The following ACSS2 variants were observed in gnomAD, a reference collection of about 807,000 sequenced individuals.
ACSS2 encodes acetyl-coenzyme A synthetase, cytoplasmic.
Under a neutral mutation model 90.6 loss-of-function variants are expected in ACSS2, and 58 were observed. The ratio of observed to expected loss-of-function variants is 0.64; its 90% CI spans 0.52 to 0.80. ACSS2 has a LOEUF of 0.80. Ranked by LOEUF, ACSS2 falls within the 30% of genes least tolerant of loss-of-function variation. The probability of loss-of-function intolerance (pLI) is 0.00; values close to 1 mark genes in which losing one functional copy is unlikely to be tolerated. For missense variants in ACSS2, 759 were observed against 912.0 expected, an observed-to-expected ratio of 0.83 and a Z score of 2.16; for synonymous variants, 300 against 330.9, an observed-to-expected ratio of 0.91 and a Z score of 1.01.
At chr20:34,915,210 C>T (rs373897374) in intron 7 of ACSS2, 1 of 1,613,934 alleles carries the variant, frequency 6.2e-7, no homozygotes, top group Non-Finnish European at 8.5e-7. Context: ...ATCCTGGGCT[C>T]TTAACAGGGT....
chr20:34,913,824 A>C lies in ACSS2; in HGVS notation c.642A>C (p.Thr214=). 1 of 1,613,802 alleles carries C rather than the reference A, an allele frequency of 6.2e-7. No homozygotes were observed. The highest frequency in any genetic ancestry group is 8.5e-7 in the Non-Finnish European group (1 of 1,179,772). Reference sequence around the variant, plus strand: ...CCAGCTGCAGTCTTCTCATCACTACAGGTGACTAATTCTCTCACCTCTTCT... The same window carrying C: ...CCAGCTGCAGTCTTCTCATCACTACCGGTGACTAATTCTCTCACCTCTTCT... The part of the protein sequence containing the change: ...LDSSCSLLIT[T]DAFYRGEKLV... The change falls in exon 5 of 18, where the codon ACA becomes ACC. Residue 214 remains threonine, a splice_region_variant and synonymous_variant. Coordinates refer to ENST00000360596, the MANE Select transcript of ACSS2 (RefSeq NM_018677.4).
intron 2 of ACSS2, among the ~76,000 whole-genome samples, chr20:34,892,191 C>T (rs575175466): frequency 6.6e-6 from 1 of 152,258 alleles, no homozygotes; most frequent in South Asian, 2.1e-4. Context: ...GAGGAACTGG[C>T]CTCCTCTCCT....
chr20:34,921,281 T>C, intron 10 of ACSS2, 49 bp from the exon 11 acceptor site: 2 of 1,611,242 alleles, frequency 1.2e-6, no homozygotes, highest in South Asian at 2.2e-5. Flanking sequence ...GGTATGTGTG[T>C]CTTCCAGTAG....
chr20:34,920,400 G>A, intron 8 of ACSS2, 139 bp from the exon 9 acceptor site: 4 of 729,458 alleles, frequency 5.5e-6, no homozygotes, highest in Non-Finnish European at 6.7e-6. Flanking sequence ...GGAGATGGAA[G>A]GGAGATGGAT....
intron 14 of ACSS2, 94 bp downstream of exon 14, chr20:34,923,525 A>C: frequency 1.1e-6 from 1 of 870,702 alleles, no homozygotes; most frequent in Non-Finnish European, 1.9e-6. Flanking sequence ...CTATAAAATA[A>C]TACCTGAGAC....
chr20:34,909,882 A>C (rs534506314), intron 2 of ACSS2, among the ~76,000 whole-genome samples: 103 of 151,962 alleles, frequency 6.8e-4, no homozygotes, highest in Admixed American at 1.8e-3. Context: ...ATGCCCGGCT[A>C]ATTTTTGTAT....
At chr20:34,876,009 G>T, upstream of ACSS2, 1 of 153,266 alleles carries the variant, frequency 6.5e-6, no homozygotes. Context: ...ACGAGAATGT[G>T]GGTGTGGCTC....
At chr20:34,925,033 C>T (rs2081287290) in intron 14 of ACSS2, among the ~76,000 whole-genome samples, 2 of 152,170 alleles carry the variant, frequency 1.3e-5, no homozygotes, top group East Asian at 3.8e-4. Flanking sequence ...AATTGATTTA[C>T]TGTTTAGAAA....
At chr20:34,898,136 A>G (rs8117380) in intron 2 of ACSS2, among the ~76,000 whole-genome samples, 100,877 of 151,864 alleles carry the variant, frequency 0.66, 35,019 homozygotes, top group African/African-American at 0.86. Context: ...AGCTCATAAA[A>G]GCAGTGTGGA....
chr20:34,881,238 T>C (rs1005093043), intron 1 of ACSS2, among the ~76,000 whole-genome samples: 1 of 150,802 alleles, frequency 6.6e-6, no homozygotes, highest in Non-Finnish European at 1.5e-5. Flanking sequence ...GATTTCACCA[T>C]GTTGGTCAGG....
At chr20:34,916,898 G>A (rs2081087709) in intron 7 of ACSS2, among the ~76,000 whole-genome samples, 1 of 152,106 alleles carries the variant, frequency 6.6e-6, no homozygotes, top group Non-Finnish European at 1.5e-5. Flanking sequence ...CAAGGACAAA[G>A]GCCAACTCCT....
chr20:34,912,067 C>T (rs2080971959), intron 2 of ACSS2, among the ~76,000 whole-genome samples: 1 of 152,016 alleles, frequency 6.6e-6, no homozygotes, highest in Non-Finnish European at 1.5e-5. Flanking sequence ...ATCTACCTGC[C>T]TCAGTCTCCT....
At chr20:34,894,290 A>G (rs912819717) in intron 2 of ACSS2, among the ~76,000 whole-genome samples, 2 of 151,964 alleles carry the variant, frequency 1.3e-5, no homozygotes, top group Admixed American at 1.3e-4. Flanking sequence ...GGAGTTTGAG[A>G]TCAGCCTGGG....
At chr20:34,898,474 A>G (rs1174764876) in intron 2 of ACSS2, among the ~76,000 whole-genome samples, 1 of 152,118 alleles carries the variant, frequency 6.6e-6, no homozygotes, top group African/African-American at 2.4e-5. Flanking sequence ...TGCATTCACA[A>G]ACCCTGAGCT....
intron 2 of ACSS2, among the ~76,000 whole-genome samples, chr20:34,899,149 CT>C (rs1273925054): frequency 6.6e-6 from 1 of 152,300 alleles, no homozygotes; most frequent in Non-Finnish European, 1.5e-5. Flanking sequence ...GGCCCGCAAG[CT>C]CCGTGCGCAG....
rs138729484 is a variant in ACSS2, at chr20:34,887,886, C to G, written c.374+4897C>G. ...AGGAGTTCAAGATCAGCCTGGCCAA[C>G]AAGACGAAACCCCATCTCTACTAAA... On this transcript the variant is annotated intron_variant, in intron 2 of 17. Coordinates refer to ENST00000360596, the MANE Select transcript of ACSS2 (RefSeq NM_018677.4). 1.4e-3 allele frequency among the ~76,000 whole-genome samples: 214 copies of G among 151,784 alleles called. 1 individual carries two copies. Among genetic ancestry groups the G allele is most frequent in the African/African-American group, 5.0e-3 (205 of 41,364 alleles).
At chr20:34,898,983 C>T (rs554840940) in intron 2 of ACSS2, among the ~76,000 whole-genome samples, 120 of 152,348 alleles carry the variant, frequency 7.9e-4, no homozygotes, top group African/African-American at 2.4e-3. Flanking sequence ...AGAAATGGAG[C>T]GCAGTGCTGG....
chr20:34,908,359 A>T (rs2080859635), intron 2 of ACSS2, among the ~76,000 whole-genome samples: 1 of 152,112 alleles, frequency 6.6e-6, no homozygotes, highest in East Asian at 1.9e-4. Flanking sequence ...ACTGAAATCT[A>T]GCCATACTGT....
Position 34,926,195 on chromosome 20 carries a change from T to G in ACSS2, c.1817T>G (p.Val606Gly). The G allele has an allele frequency of 6.2e-7, 1 of 1,614,194 alleles. No homozygotes were observed. The highest frequency in any genetic ancestry group is 8.5e-7 in the Non-Finnish European group (1 of 1,180,004). Residue 606 changes from valine to glycine, a missense_variant, in exon 16 of 18, where the codon GTG (valine) becomes GGG (glycine). Physicochemically the swap from Val to Gly is moderately radical, Grantham distance 109. Transcript: ENST00000360596. ...EAAVVGHPHP[V>G]KGECLYCFVT... is the part of the protein sequence containing the mutation. ...GCTGTGGTGGGCCACCCTCATCCTG[T>G]GAAGGGTGAATGCCTCTACTGCTTT... is the stretch of plus-strand genomic sequence containing the variant.
Sources: gnomAD v4.1 joint callset for allele counts (sites outside exome capture counted in the v4.1 genomes callset) on GRCh38, gnomAD v4.1.1 for gene constraint, MANE v1.5 for transcripts, NCBI Gene and HGNC (gene_info 2026-07-23, HGNC 2026-07-21) for gene names.